The following TLN2 variants were observed in gnomAD, a reference collection of about 807,000 sequenced individuals.
TLN2 encodes talin-2.
Under a neutral mutation model 294.7 loss-of-function variants are expected in TLN2, and 118 were observed. That is an observed-to-expected ratio of 0.40 (90% CI 0.34 to 0.47). The LOEUF (loss-of-function observed/expected upper bound fraction) is 0.47. Among genes scored for constraint, TLN2 ranks in the 20% least tolerant of loss-of-function variants. The pLI is 0.84. For synonymous variants in TLN2, 1,431 were observed against 1,304.5 expected, an observed-to-expected ratio of 1.10 and a Z score of -2.09; for missense variants, 3,083 against 3,282.2, an observed-to-expected ratio of 0.94 and a Z score of 1.48.
intron 33 of TLN2, 21 bp from the exon 34 acceptor site, chr15:62,750,381 T>C (rs371057166): frequency 1.2e-6 from 2 of 1,605,270 alleles, no homozygotes; most frequent in African/African-American, 1.3e-5. Context: ...TTGCTTTTTA[T>C]GTTGTGTTCT....
At position 62,532,211 on chromosome 15, in the gene TLN2, A is replaced by T. The variant is rs151207769; in HGVS notation, c.-237-57476A>T. Reference sequence around the variant, plus strand: ...ACCACAAACACTTGCCACCATGCCTAATGTCGTGGGTTGTTTGTTTGTTTT... The same window carrying T: ...ACCACAAACACTTGCCACCATGCCTTATGTCGTGGGTTGTTTGTTTGTTTT... On this transcript the variant is annotated intron_variant, in intron 1 of 58. Transcript: ENST00000636159. Among the ~76,000 whole-genome samples, 43 of 151,774 alleles carry T rather than the reference A, an allele frequency of 2.8e-4. No homozygotes were observed. In the East Asian group the frequency reaches 7.6e-3, roughly 27 times the overall value.
chr15:62,633,638 A>T (rs952177559), intron 3 of TLN2, among the ~76,000 whole-genome samples: 1 of 152,094 alleles, frequency 6.6e-6, no homozygotes, highest in African/African-American at 2.4e-5. Flanking sequence ...TAATTATTCT[A>T]CTGATTACCA....
intron 1 of TLN2, among the ~76,000 whole-genome samples, chr15:62,565,860 G>C (rs1393188004): frequency 6.6e-6 from 1 of 152,038 alleles, no homozygotes; most frequent in Non-Finnish European, 1.5e-5. Flanking sequence ...CCCTGGCATA[G>C]CATTGTCAGG....
intron 1 of TLN2, among the ~76,000 whole-genome samples, chr15:62,492,566 AAAG>A (rs1464224531): frequency 1.3e-5 from 2 of 151,226 alleles, no homozygotes; most frequent in African/African-American, 2.4e-5. Context: ...AAAAAGAAAA[AAAG>A]AAAAAAAACT....
chr15:62,482,183 C>G (rs1233580466), intron 1 of TLN2, among the ~76,000 whole-genome samples: 1 of 152,154 alleles, frequency 6.6e-6, no homozygotes, highest in Non-Finnish European at 1.5e-5. Context: ...GTCCCCCACC[C>G]CTTGCAATAT....
intron 45 of TLN2, among the ~76,000 whole-genome samples, chr15:62,791,986 T>C (rs2065106121): frequency 6.6e-6 from 1 of 152,182 alleles, no homozygotes; most frequent in Non-Finnish European, 1.5e-5. Context: ...ATTAAAAGAA[T>C]GTGTGCCTGC....
chr15:62,671,239 G>A (rs145392093), intron 9 of TLN2, among the ~76,000 whole-genome samples: 135 of 151,784 alleles, frequency 8.9e-4, no homozygotes, highest in African/African-American at 2.9e-3. Context: ...TTGTATTTTC[G>A]CTTTCTTGAT....
chr15:62,689,392 C>A (rs2141051877), intron 12 of TLN2, among the ~76,000 whole-genome samples: 1 of 152,228 alleles, frequency 6.6e-6, no homozygotes, highest in South Asian at 2.1e-4. Context: ...ACAGCTTCTG[C>A]TTTGAACACA....
chr15:62,680,154 G>GT (rs561362975), intron 11 of TLN2, among the ~76,000 whole-genome samples: 2 of 152,030 alleles, frequency 1.3e-5, no homozygotes, highest in Non-Finnish European at 2.9e-5. Flanking sequence ...GCCATTTTAG[G>GT]TTTTTTCCTT....
At chr15:62,440,914 A>G (rs2035512749) in intron 1 of TLN2, among the ~76,000 whole-genome samples, 1 of 152,194 alleles carries the variant, frequency 6.6e-6, no homozygotes, top group African/African-American at 2.4e-5. Context: ...CAGTCTATAA[A>G]ACAGGCTATT....
intron 45 of TLN2, among the ~76,000 whole-genome samples, chr15:62,792,241 T>C (rs1169723370): frequency 6.6e-6 from 1 of 152,196 alleles, no homozygotes; most frequent in Non-Finnish European, 1.5e-5. Flanking sequence ...ATTAAACACA[T>C]TACCTGCTTA....
intron 51 of TLN2, among the ~76,000 whole-genome samples, chr15:62,806,762 C>T (rs1055843276): frequency 3.3e-5 from 5 of 152,180 alleles, no homozygotes; most frequent in African/African-American, 4.8e-5. Context: ...CCAGGGACTC[C>T]GGCTTCTGCT....
rs189445856 is a variant in TLN2, at chr15:62,455,327, C to T, written c.-238+64642C>T. On this transcript the variant is annotated intron_variant, in intron 1 of 58. Transcript: ENST00000636159. ...GGGGTTCCTGGAGGTGCACTTCAGC[C>T]GCGCCTTCAGCAATCTGCAGAATGT... Among the ~76,000 whole-genome samples, 279 of 152,042 alleles carry T rather than the reference C, an allele frequency of 1.8e-3. 1 individual carries two copies. The highest frequency in any genetic ancestry group is 6.3e-3 in the African/African-American group (262 of 41,444).
intron 9 of TLN2, among the ~76,000 whole-genome samples, chr15:62,664,878 A>AAAAAAAAAAAAAAT (rs2054391831): frequency 4.8e-5 from 7 of 145,980 alleles, no homozygotes; most frequent in Non-Finnish European, 7.6e-5. Flanking sequence ...AAAAAAAAAA[A>AAAAAAAAAAAAAAT]GTGGCTACCT....
intron 1 of TLN2, among the ~76,000 whole-genome samples, chr15:62,570,815 G>A (rs1596178693): frequency 6.6e-6 from 1 of 152,082 alleles, no homozygotes; most frequent in Admixed American, 6.5e-5. Flanking sequence ...ATTGCCCTTG[G>A]TTGAGAACCA....
intron 2 of TLN2, among the ~76,000 whole-genome samples, chr15:62,593,883 T>C (rs1453862714): frequency 6.6e-6 from 1 of 152,212 alleles, no homozygotes; most frequent in Non-Finnish European, 1.5e-5. Flanking sequence ...CTGATAAACG[T>C]TGAGGAAAAT....
rs998266555 is a variant in TLN2 at position 62,638,400 on chromosome 15, T to G, written c.-36-8875T>G. The G allele has an allele frequency of 6.3e-5, 24 of 382,346 alleles. 1 individual carries two copies. The East Asian group carries it at 1.6e-3, about 26-fold the overall frequency. 23.7% of individuals were successfully genotyped at this position (382,346 alleles called of 1,614,324 possible). A position where few individuals can be genotyped will look rare whatever the true frequency, so the allele number is the denominator to read the frequency against. On this transcript the variant is annotated intron_variant, in intron 3 of 58. Coordinates refer to ENST00000636159, the MANE Select transcript of TLN2 (RefSeq NM_015059.3). ...AGCAAAGTTTAACTGGGGACAAATC[T>G]TTATGACCAACAATATACTTAATGA...
Position 62,820,803 on chromosome 15 carries a change from A to G in TLN2, c.7002+193A>G, listed in dbSNP as rs12900510. 0.056 allele frequency among the ~76,000 whole-genome samples: 8,577 copies of G among 152,234 alleles called. 327 individuals carry two copies. Among genetic ancestry groups the G allele is most frequent in the Middle Eastern group, 0.12 (36 of 294 alleles). On this transcript the variant is annotated intron_variant, in intron 54 of 58. Coordinates refer to ENST00000636159, the MANE Select transcript of TLN2 (RefSeq NM_015059.3). ...AAAAAAATGGCTGATGAGTCTTTCA[A>G]GTTAACCACCCAGAAAAATTCCTCT...
chr15:62,666,034 T>G (rs576336524), intron 9 of TLN2, among the ~76,000 whole-genome samples: 1 of 152,316 alleles, frequency 6.6e-6, no homozygotes, highest in African/African-American at 2.4e-5. Flanking sequence ...CCTAGCTGTC[T>G]TCTGAGGTTG....
Sources: gnomAD v4.1 joint callset for allele counts (sites outside exome capture counted in the v4.1 genomes callset) on GRCh38, gnomAD v4.1.1 for gene constraint, MANE v1.5 for transcripts, NCBI Gene and HGNC (gene_info 2026-07-23, HGNC 2026-07-21) for gene names.